The following MCUB variants were observed in gnomAD, a reference collection of about 807,000 sequenced individuals.
The protein encoded by MCUB is calcium uniporter regulatory subunit MCUb, mitochondrial.
MCUB carries 46 observed loss-of-function variants against 41.4 expected under a neutral mutation model. The observed-to-expected ratio is 1.11, with a 90% CI of 0.88 to 1.42. The LOEUF (loss-of-function observed/expected upper bound fraction) is 1.42. Ranked by LOEUF, MCUB falls within the 40% of genes most tolerant of loss-of-function variation. The probability of loss-of-function intolerance (pLI) is 0.00; values close to 1 mark genes in which losing one functional copy is unlikely to be tolerated. For synonymous variants in MCUB, 148 were observed against 148.2 expected (o/e 1.00, Z 0.01); for missense variants, 403 against 404.9 (o/e 1.00, Z 0.04).
At chr4:109,627,416 C>A (rs1728384082) in intron 1 of MCUB, among the ~76,000 whole-genome samples, 1 of 152,186 alleles carries the variant, frequency 6.6e-6, no homozygotes, top group African/African-American at 2.4e-5. Flanking sequence ...CAAATGGAAT[C>A]TGTCAAGCAT....
At chr4:109,580,291 T>G (rs1042777533) in intron 1 of MCUB, among the ~76,000 whole-genome samples, 2 of 152,206 alleles carry the variant, frequency 1.3e-5, no homozygotes, top group Non-Finnish European at 2.9e-5. Context: ...GATGGACATT[T>G]GGGTTGGTTC....
At chr4:109,599,603 G>A (rs1358761560) in intron 1 of MCUB, among the ~76,000 whole-genome samples, 1 of 152,068 alleles carries the variant, frequency 6.6e-6, no homozygotes, top group African/African-American at 2.4e-5. Flanking sequence ...CCCTTGGGTA[G>A]TCTGGCCCTA....
chr4:109,662,267 C>T (rs1287642010), intron 3 of MCUB, among the ~76,000 whole-genome samples: 1 of 152,202 alleles, frequency 6.6e-6, no homozygotes, highest in Non-Finnish European at 1.5e-5. Flanking sequence ...GACATTTCCC[C>T]CAGGCACAGG....
intron 1 of MCUB, among the ~76,000 whole-genome samples, chr4:109,597,022 CAT>C (rs1246914171): frequency 2.0e-5 from 3 of 151,602 alleles, no homozygotes; most frequent in African/African-American, 7.3e-5. Context: ...GGACACAGCA[CAT>C]GTTTCAGAGA....
At chr4:109,686,627 G>C (rs576468471) in intron 7 of MCUB, among the ~76,000 whole-genome samples, 1 of 152,334 alleles carries the variant, frequency 6.6e-6, no homozygotes, top group South Asian at 2.1e-4. Flanking sequence ...TGTGATCCCA[G>C]TGATTTGGGA....
At chr4:109,599,307 CTTCAGCCTCCTT>C (rs931095387) in intron 1 of MCUB, among the ~76,000 whole-genome samples, 2 of 151,884 alleles carry the variant, frequency 1.3e-5, no homozygotes, top group African/African-American at 4.8e-5. Context: ...TGATCCTCCT[CTTCAGCCTCCTT>C]TGGCTGTGTG....
chr4:109,615,118 C>T (rs1256373858), intron 1 of MCUB, among the ~76,000 whole-genome samples: 1 of 152,134 alleles, frequency 6.6e-6, no homozygotes, highest in African/African-American at 2.4e-5. Context: ...CTGGCAAGTG[C>T]CCTCTTTTCC....
chr4:109,670,094 C>A (rs777065555), intron 4 of MCUB, among the ~76,000 whole-genome samples: 1 of 152,186 alleles, frequency 6.6e-6, no homozygotes, highest in Admixed American at 6.5e-5. Context: ...ATGTTAAAAG[C>A]TGGATGTGAT....
chr4:109,569,618 C>G (rs1247666823), intron 1 of MCUB, among the ~76,000 whole-genome samples: 1 of 150,842 alleles, frequency 6.6e-6, no homozygotes, highest in African/African-American at 2.5e-5. Context: ...ATTCTCCTGC[C>G]TCAGCCTCCC....
chr4:109,594,298 G>T (rs921915129), intron 1 of MCUB, among the ~76,000 whole-genome samples: 2 of 152,148 alleles, frequency 1.3e-5, no homozygotes, highest in African/African-American at 4.8e-5. Flanking sequence ...TTGTTGTGAG[G>T]GTTACAGTGG....
rs192887337 is a variant in MCUB, at chr4:109,579,394, C to T, written c.99+18958C>T. ...CCTCCTGAGTAGCTGGGACTACAGGCGCATGCCACCACGCCCAGCTAATTT... is the reference window on the plus strand; with the variant it reads ...CCTCCTGAGTAGCTGGGACTACAGGTGCATGCCACCACGCCCAGCTAATTT... On this transcript the variant is annotated intron_variant, in intron 1 of 7. Transcript: ENST00000394650. Among the ~76,000 whole-genome samples the T allele has an allele frequency of 6.1e-3, 923 of 151,818 alleles. 30 individuals carry two copies. The South Asian group carries it at 0.073, about 12-fold the overall frequency.
chr4:109,614,930 A>G (rs1234321144), intron 1 of MCUB, among the ~76,000 whole-genome samples: 2 of 152,202 alleles, frequency 1.3e-5, no homozygotes, highest in African/African-American at 4.8e-5. Flanking sequence ...AAAGCTTATC[A>G]TTAGGCAGCA....
At chr4:109,679,576 C>G (rs1729669955) in intron 4 of MCUB, among the ~76,000 whole-genome samples, 1 of 152,180 alleles carries the variant, frequency 6.6e-6, no homozygotes, top group Non-Finnish European at 1.5e-5. Context: ...GAGCCGAGAT[C>G]ATGGCAGTAC....
chr4:109,616,738 T>G (rs1038064439), intron 1 of MCUB, among the ~76,000 whole-genome samples: 5 of 152,194 alleles, frequency 3.3e-5, no homozygotes, highest in Non-Finnish European at 7.3e-5. Context: ...ATCTTCTCTG[T>G]GTACAAGCAT....
chr4:109,598,430 CA>C (rs889900743), intron 1 of MCUB, among the ~76,000 whole-genome samples: 6 of 151,564 alleles, frequency 4.0e-5, no homozygotes, highest in African/African-American at 1.2e-4. Flanking sequence ...CCGTCTCCAC[CA>C]AAAAAAATAC....
At chr4:109,607,256 C>G (rs1042134478) in intron 1 of MCUB, among the ~76,000 whole-genome samples, 5 of 151,986 alleles carry the variant, frequency 3.3e-5, no homozygotes, top group African/African-American at 1.2e-4. Context: ...TCACTCTTGT[C>G]CCCCAGGCTG....
intron 5 of MCUB, among the ~76,000 whole-genome samples, chr4:109,683,378 T>C (rs1370765893): frequency 1.3e-5 from 2 of 152,228 alleles, no homozygotes; most frequent in African/African-American, 4.8e-5. Context: ...TGATTACCTC[T>C]AAGGGTATTT....
At chr4:109,615,072 T>G (rs1728095962) in intron 1 of MCUB, among the ~76,000 whole-genome samples, 1 of 152,176 alleles carries the variant, frequency 6.6e-6, no homozygotes, top group East Asian at 1.9e-4. Flanking sequence ...CTCAAGAAAC[T>G]ATTAGATTCC....
intron 1 of MCUB, among the ~76,000 whole-genome samples, chr4:109,582,376 G>T (rs1269776645): frequency 2.7e-5 from 3 of 109,350 alleles, no homozygotes; most frequent in African/African-American, 1.1e-4. Flanking sequence ...GGGGCCTGTT[G>T]TGGGGTGGGG....
Sources: gnomAD v4.1 joint callset for allele counts (sites outside exome capture counted in the v4.1 genomes callset) on GRCh38, gnomAD v4.1.1 for gene constraint, MANE v1.5 for transcripts, NCBI Gene and HGNC (gene_info 2026-07-23, HGNC 2026-07-21) for gene names.